The following ZMYM6 variants were observed in gnomAD, a reference collection of about 807,000 sequenced individuals.
The protein encoded by ZMYM6 is zinc finger MYM-type protein 6.
Under a neutral mutation model 134.0 loss-of-function variants are expected in ZMYM6, and 90 were observed. That is an observed-to-expected ratio of 0.67 (90% CI 0.57 to 0.80). The LOEUF is 0.80. ZMYM6 is among the 30% of genes least tolerant of loss of function. The pLI is 0.00. For missense variants in ZMYM6, 1,362 were observed against 1,533.9 expected (o/e 0.89, Z 1.87); for synonymous variants, 481 against 524.1 (o/e 0.92, Z 1.12).
In ZMYM6 at chr1:35,010,762, T is replaced by A. The variant is rs760820015; in HGVS notation, c.1337A>T (p.Tyr446Phe). ...LFATKPELLF[Y>F]KGKMFLFCGK... is the part of the protein sequence containing the mutation. ...CCTTTCATGATCTCTCTTTACCTTGTAAAAAAGAAGTTCTGGTTTTGTGGC... is the reference window on the plus strand; with the variant it reads ...CCTTTCATGATCTCTCTTTACCTTGAAAAAAAGAAGTTCTGGTTTTGTGGC... Residue 446 changes from tyrosine (Y) to phenylalanine (F), a missense_variant, in exon 9 of 16, where the codon TAC (tyrosine) becomes TTC (phenylalanine). Transcript: ENST00000357182. 1.3e-6 allele frequency: 2 copies of A among 1,556,714 alleles called. No homozygotes were observed. Among genetic ancestry groups the A allele is most frequent in the South Asian group, 2.5e-5 (2 of 79,920 alleles).
Position 35,014,712 on chromosome 1 carries a change from G to C in ZMYM6, c.780C>G (p.Val260=), listed in dbSNP as rs1435832626. ...ATATTCATACCTGCTTGTATGCCGT[G>C]ACACTTGTTGAACTAAAAACCTTCT... is the stretch of plus-strand genomic sequence containing the variant. ...QSQKVFSSTS[V]TAYKQNSAQI... Residue 260 remains valine, a synonymous_variant, in exon 6 of 16, where the codon GTC becomes GTG. Coordinates refer to ENST00000357182, the MANE Select transcript of ZMYM6 (RefSeq NM_007167.4). 1 of 1,613,754 alleles carries C rather than the reference G, an allele frequency of 6.2e-7. No homozygotes were observed. The highest frequency in any genetic ancestry group is 2.2e-5 in the East Asian group (1 of 44,864).
At chr1:35,012,352 G>GCC (rs779289799) in intron 7 of ZMYM6, 79 bp downstream of exon 7, 2 of 1,235,220 alleles carry the variant, frequency 1.6e-6, no homozygotes, top group Non-Finnish European at 2.2e-6. Context: ...AATTTAGCTT[G>GCC]TAACAAAATC....
rs541675320 is a variant in ZMYM6, at chr1:34,987,818, C to T, written c.3264G>A (p.Glu1088=). ...MLKRLFELRH[E]IEIFLSQKHS... Reference sequence around the variant, plus strand: ...GCTTTTGACTTAAAAATATTTCAATCTCATGTCGTAATTCAAATAATCTTT... The same window carrying T: ...GCTTTTGACTTAAAAATATTTCAATTTCATGTCGTAATTCAAATAATCTTT... The change falls in exon 16 of 16, where the codon GAG becomes GAA. Residue 1088 remains glutamate (E), a synonymous_variant. Coordinates refer to ENST00000357182, the MANE Select transcript of ZMYM6 (RefSeq NM_007167.4). 2 of 1,550,962 alleles carry T rather than the reference C, an allele frequency of 1.3e-6. No homozygotes were observed. The highest frequency in any genetic ancestry group is 1.7e-6 in the Non-Finnish European group (2 of 1,146,784).
intron 11 of ZMYM6, among the ~76,000 whole-genome samples, 179 bp downstream of exon 11, chr1:35,008,573 A>G (rs1479365548): frequency 6.6e-6 from 1 of 152,208 alleles, no homozygotes. Context: ...CAGAAATCCT[A>G]TACTTTTTAT....
chr1:35,010,823 C>A lies in ZMYM6; in HGVS notation c.1276G>T (p.Val426Phe), dbSNP rs748001989. 2 of 1,607,334 alleles carry A rather than the reference C, an allele frequency of 1.2e-6. No individual in the cohort carries two copies. Among genetic ancestry groups the A allele is most frequent in the South Asian group, 2.2e-5 (2 of 89,846 alleles). Residue 426 changes from valine to phenylalanine, a missense_variant, in exon 9 of 16, where the codon GTT becomes TTT. This residue lies in a region of ZMYM6 where 503 missense variants were observed against 520.8 expected (regional missense o/e 0.97). Coordinates refer to ENST00000357182, the MANE Select transcript of ZMYM6 (RefSeq NM_007167.4). Reference sequence around the variant, plus strand: ...TTACAGTGCTGACACTTGAGTTTAACAACTGTATGGGTTAAAGCAACTTGC... The same window carrying A: ...TTACAGTGCTGACACTTGAGTTTAAAAACTGTATGGGTTAAAGCAACTTGC... ...SQQVALTHTV[V>F]KLKCQHCNHL...
At chr1:35,023,130 T>C (rs944292995) in intron 2 of ZMYM6, among the ~76,000 whole-genome samples, 1 of 151,906 alleles carries the variant, frequency 6.6e-6, no homozygotes, top group African/African-American at 2.4e-5. Flanking sequence ...TCTTTTGAGA[T>C]GGAGTTTCGC....
Position 35,030,692 on chromosome 1 carries a change from TTGGTAA to T in ZMYM6, c.-59_-54del. 1 of 1,528,750 alleles carries T rather than the reference TTGGTAA, an allele frequency of 6.5e-7. No homozygotes were observed. The highest frequency in any genetic ancestry group is 9.0e-7 in the Non-Finnish European group (1 of 1,114,166). The allele number at this position is 1,528,750 out of a possible 1,614,324, so 94.7% of individuals were successfully genotyped here. A position where few individuals can be genotyped will look rare whatever the true frequency, so the allele number is the denominator to read the frequency against. On this transcript the variant is annotated 5_prime_UTR_variant, in exon 2 of 16. Coordinates refer to ENST00000357182, the MANE Select transcript of ZMYM6 (RefSeq NM_007167.4). ...CAGGCTCAAACGAATAGATTTCTTC[TTGGTAA>T]TGGATAGTTGGACACCTAAAATACA... is the stretch of plus-strand genomic sequence containing the variant.
rs114766224 is a variant in ZMYM6, at chr1:34,995,352, T to C, written c.1993-2965A>G. 3.2e-3 allele frequency among the ~76,000 whole-genome samples: 478 copies of C among 151,202 alleles called. 6 individuals are homozygous for C. The highest frequency in any genetic ancestry group is 0.011 in the African/African-American group (444 of 41,228). On this transcript the variant is annotated intron_variant, in intron 14 of 15. Transcript: ENST00000357182. Reference sequence around the variant, plus strand: ...ACAATATATGTATATACGTTGTATATGTATATATGTTGCCTCTATGTATAT... The same window carrying C: ...ACAATATATGTATATACGTTGTATACGTATATATGTTGCCTCTATGTATAT...
Position 34,988,875 on chromosome 1 carries a change from T to C in ZMYM6, c.2207A>G (p.Lys736Arg). The C allele has an allele frequency of 6.2e-7, 1 of 1,611,242 alleles. No individual in the cohort carries two copies. ...ATAAGTCTGGAAAAAACCTAATCTT[T>C]TTTTCTTTGAAGGTGGAGAATCAAG... The part of the protein sequence containing the change: ...AELDSPPSKK[K>R]RLGFFQTYDT... The change falls in exon 16 of 16, where the codon AAA becomes AGA. Residue 736 changes from lysine (K) to arginine (R), a missense_variant. Around this residue, in one of 3 missense-constraint regions of ZMYM6, gnomAD observed 824 missense variants for 940.9 expected, o/e 0.88. Coordinates refer to ENST00000357182, the MANE Select transcript of ZMYM6 (RefSeq NM_007167.4).
chr1:35,017,753 A>T (rs995060133), intron 4 of ZMYM6: 11 of 152,180 alleles, frequency 7.2e-5, no homozygotes, highest in African/African-American at 2.7e-4. Context: ...AGCCTTTGAA[A>T]ATTTGTAAAA....
intron 5 of ZMYM6, 42 bp downstream of exon 5, chr1:35,014,945 AT>A (rs879029595): frequency 5.0e-6 from 8 of 1,608,818 alleles, no homozygotes; most frequent in African/African-American, 2.7e-5. Flanking sequence ...TTAAAAAAAA[AT>A]CTCTTTCAGC....
At chr1:35,024,132 C>A (rs1417153897) in intron 2 of ZMYM6, among the ~76,000 whole-genome samples, 2 of 152,110 alleles carry the variant, frequency 1.3e-5, no homozygotes, top group Non-Finnish European at 2.9e-5. Context: ...CCTCAACATC[C>A]CTCAGCCCCC....
chr1:34,993,100 ATTCTT>A (rs1436069904), intron 14 of ZMYM6, among the ~76,000 whole-genome samples: 1 of 145,600 alleles, frequency 6.9e-6, no homozygotes, highest in Non-Finnish European at 1.5e-5. Flanking sequence ...ATCACAAAGT[ATTCTT>A]TTCTTTTTTC....
In ZMYM6 at chr1:35,011,056, G is replaced by A. The variant is rs749651750; in HGVS notation, c.1063-20C>T. On this transcript the variant is annotated intron_variant, in intron 8 of 15. Transcript: ENST00000357182. ...TACATTCTGAATGAAAACAAATAAGGTAAAGATTTTATCAACTGAGAAATA... is the reference window on the plus strand; with the variant it reads ...TACATTCTGAATGAAAACAAATAAGATAAAGATTTTATCAACTGAGAAATA... The A allele has an allele frequency of 6.2e-7, 1 of 1,600,404 alleles. No homozygotes were observed. Among genetic ancestry groups the A allele is most frequent in the Non-Finnish European group, 8.5e-7 (1 of 1,176,304 alleles).
intron 14 of ZMYM6, among the ~76,000 whole-genome samples, chr1:34,998,551 G>A (rs57169965): frequency 0.021 from 3,210 of 152,240 alleles, 138 homozygotes; most frequent in African/African-American, 0.073. Context: ...ATGGAAGCAG[G>A]AAGACAGATA....
chr1:35,016,118 T>G (rs1166504194), intron 4 of ZMYM6, among the ~76,000 whole-genome samples: 2 of 151,948 alleles, frequency 1.3e-5, no homozygotes, highest in Non-Finnish European at 2.9e-5. Context: ...GCCAGGCTAA[T>G]TTTTGTATTT....
At chr1:34,990,434 G>A (rs1640652883) in intron 15 of ZMYM6, 1 of 162,536 alleles carries the variant, frequency 6.2e-6, no homozygotes, top group Admixed American at 5.8e-5. Flanking sequence ...AGTGAGCCGA[G>A]ATCGCGCCAC....
intron 6 of ZMYM6, chr1:35,013,168 GC>G: frequency 1.3e-6 from 1 of 769,232 alleles, no homozygotes; most frequent in Non-Finnish European, 1.6e-6. Context: ...CATGAGTCAG[GC>G]CCCAGGCTAA....
chr1:35,021,506 G>A (rs1481478802), intron 2 of ZMYM6, among the ~76,000 whole-genome samples: 1 of 151,936 alleles, frequency 6.6e-6, no homozygotes, highest in African/African-American at 2.4e-5. Context: ...TATAGTCCCA[G>A]CTACCCAGGA....
Sources: gnomAD v4.1 joint callset for allele counts (sites outside exome capture counted in the v4.1 genomes callset) on GRCh38, gnomAD v4.1.1 for gene constraint, gnomAD v4.1.1 regional missense constraint, MANE v1.5 for transcripts, NCBI Gene and HGNC (gene_info 2026-07-23, HGNC 2026-07-21) for gene names.